Variants in PDZD7 observed in about 807,000 individuals in gnomAD.
PDZD7 encodes PDZ domain containing 7, also known as PDZ domain-containing protein 7.
A neutral mutation model predicts 84.7 loss-of-function variants in PDZD7; 72 were observed. The ratio of observed to expected loss-of-function variants is 0.85; its 90% CI spans 0.70 to 1.03. The LOEUF (loss-of-function observed/expected upper bound fraction) is 1.03, where lower values mean the gene tolerates loss of function less well. PDZD7 is among the 50% of genes least tolerant of loss of function. PDZD7 has a pLI of 0.00. For missense variants in PDZD7, 1,490 were observed against 1,412.9 expected (o/e 1.05, Z -0.87); for synonymous variants, 594 against 580.7 (o/e 1.02, Z -0.33).
At chr10:101,026,978 T>C (rs74154270) in intron 2 of PDZD7, among the ~76,000 whole-genome samples, 190 of 152,186 alleles carry the variant, frequency 1.2e-3, no homozygotes, top group African/African-American at 4.5e-3. Flanking sequence ...ATCTGAGATT[T>C]TCCAGGAGCC....
In PDZD7 at chr10:101,019,038, T is replaced by A; in HGVS notation, c.1108A>T (p.Met370Leu). The A allele has an allele frequency of 1.3e-6, 2 of 1,574,006 alleles. No individual in the cohort carries two copies. The highest frequency in any genetic ancestry group is 1.2e-5 in the South Asian group (1 of 86,742). ...CCTCCCGCATCGGGCTCCGTCTGCA[T>A]GGCTGTGTCCGCCCGCCCCCAGCCT... ...GPGWGRADTA[M>L]QTEPDAGGRV... Residue 370 changes from methionine (M) to leucine (L), a missense_variant, in exon 8 of 17, where the codon ATG becomes TTG. By Grantham distance (15) the Met-to-Leu change is conservative. Transcript: ENST00000619208.
chr10:101,023,150 C>A, intron 4 of PDZD7: 1 of 389,590 alleles, frequency 2.6e-6, no homozygotes, highest in Admixed American at 3.8e-5. Context: ...CTAATCCTTA[C>A]AGCACCCCTG....
rs1491226611 is a variant in PDZD7 at position 101,017,861 on chromosome 10, AAG to A, written c.1522+236_1522+237del. On this transcript the variant is annotated intron_variant, in intron 9 of 16. Transcript: ENST00000619208. ...AAGGAAAGAAAGAAAGAAAGAAAGAAAGAAAGAAAGAAAGAAAGAAAGAAAGA... is the reference window on the plus strand; with the variant it reads ...AAGGAAAGAAAGAAAGAAAGAAAGAAAAAGAAAGAAAGAAAGAAAGAAAGA... 6.0e-5 allele frequency: 26 copies of A among 434,770 alleles called. 1 individual carries two copies. Among genetic ancestry groups the A allele is most frequent in the Non-Finnish European group, 8.9e-5 (23 of 257,314 alleles). The allele number at this position is 434,770 out of a possible 1,614,324, so 26.9% of individuals were successfully genotyped here. A position where few individuals can be genotyped will look rare whatever the true frequency, so the allele number is the denominator to read the frequency against.
intron 11 of PDZD7, among the ~76,000 whole-genome samples, chr10:101,012,885 G>A (rs865889127): frequency 6.6e-6 from 1 of 152,358 alleles, no homozygotes; most frequent in East Asian, 1.9e-4. Context: ...TCCCTTGGAG[G>A]GGGGCGGGGT....
At chr10:101,012,638 T>C (rs1362843726) in intron 11 of PDZD7, among the ~76,000 whole-genome samples, 2 of 152,010 alleles carry the variant, frequency 1.3e-5, no homozygotes, top group East Asian at 3.9e-4. Flanking sequence ...GATAAGGAAG[T>C]GTGAAGAGGG....
At chr10:101,029,963 A>AC in intron 2 of PDZD7, 31 bp downstream of exon 2, 11 of 1,546,484 alleles carry the variant, frequency 7.1e-6, no homozygotes, top group Non-Finnish European at 9.8e-6. Flanking sequence ...ACCCTCCCCA[A>AC]CCCAGGCCAG....
chr10:101,012,163 C>T lies in PDZD7; in HGVS notation c.1841+4G>A. On this transcript the variant is annotated splice_donor_region_variant and intron_variant, in intron 12 of 16. Coordinates refer to ENST00000619208, the MANE Select transcript of PDZD7 (RefSeq NM_001195263.2). The stretch of plus-strand genomic sequence containing the variant: ...CCCAAGCCCTCTCTGCAACCTCCTC[C>T]CACCTGATGTCCTGCAGCAGTAGCA... The T allele has an allele frequency of 6.4e-7, 1 of 1,550,446 alleles. No individual in the cohort carries two copies. Among genetic ancestry groups the T allele is most frequent in the South Asian group, 1.2e-5 (1 of 84,066 alleles).
intron 9 of PDZD7, chr10:101,017,671 A>C: frequency 1.4e-6 from 1 of 695,538 alleles, no homozygotes; most frequent in East Asian, 2.7e-5. Context: ...GTGTCATGCC[A>C]GCACTTTGGG....
chr10:101,010,083 C>T (rs911024120), intron 15 of PDZD7, among the ~76,000 whole-genome samples, 189 bp downstream of exon 15: 1 of 152,110 alleles, frequency 6.6e-6, no homozygotes, highest in Non-Finnish European at 1.5e-5. Flanking sequence ...TTAGTGGAAA[C>T]GGGGTTTCGC....
At chr10:101,017,769 A>T (rs188990244) in intron 9 of PDZD7, 1 of 526,708 alleles carries the variant, frequency 1.9e-6, no homozygotes, top group Non-Finnish European at 3.3e-6. Context: ...CTGGGCAACA[A>T]GAGCAAAACT....
At chr10:101,020,835 C>T (rs1442212289) in intron 6 of PDZD7, among the ~76,000 whole-genome samples, 157 bp from the exon 7 acceptor site, 4 of 152,326 alleles carry the variant, frequency 2.6e-5, no homozygotes, top group African/African-American at 9.6e-5. Flanking sequence ...TCTTTCTGAA[C>T]GTGCCAAGTT....
chr10:101,030,338 G>T lies in PDZD7; in HGVS notation c.-119C>A, dbSNP rs1200630533. ...TGTGCGGGGCTGGGGTCTCAGTAAC[G>T]TGAAGGCCCTCGCTTGCGATGCCTC... On this transcript the variant is annotated 5_prime_UTR_variant, in exon 2 of 17. Transcript: ENST00000619208. 5.8e-6 allele frequency: 5 copies of T among 863,044 alleles called. No homozygotes were observed. Among genetic ancestry groups the T allele is most frequent in the Non-Finnish European group, 9.4e-6 (5 of 532,294 alleles). 53.5% of individuals were successfully genotyped at this position (863,044 alleles called of 1,614,324 possible). A position where few individuals can be genotyped will look rare whatever the true frequency, so the allele number is the denominator to read the frequency against.
rs932953368 is a variant in PDZD7, at chr10:101,019,183, G to C, written c.963C>G (p.Ala321=). 6.5e-7 allele frequency: 1 copy of C among 1,536,636 alleles called. No individual in the cohort carries two copies. The highest frequency in any genetic ancestry group is 1.7e-4 in the Middle Eastern group (1 of 5,780). The change falls in exon 8 of 17, where the codon GCC becomes GCG. Residue 321 remains alanine (A), a synonymous_variant. Coordinates refer to ENST00000619208, the MANE Select transcript of PDZD7 (RefSeq NM_001195263.2). ...AAGAGACGCTGGAGCTGCTCTCAGA[G>C]GCCGGGGACAGCTGCTGCAGCACCC... ...SNGVLQQLSP[A]SESSSSVSSC...
At position 101,022,349 on chromosome 10, in the gene PDZD7, C is replaced by A; in HGVS notation, c.579G>T (p.Lys193Asn). Reference sequence around the variant, plus strand: ...TGGTGTCGGAGGGTGTTGAACCGCACTTCTCCACTACCAGGCGCCGATTCA... The same window carrying A: ...TGGTGTCGGAGGGTGTTGAACCGCAATTCTCCACTACCAGGCGCCGATTCA... ...DVVNRRLVVE[K>N]CGSTPSDTSS... Residue 193 changes from lysine (K) to asparagine (N), a missense_variant, in exon 5 of 17, where the codon AAG becomes AAT. Transcript: ENST00000619208. The A allele has an allele frequency of 6.2e-7, 1 of 1,614,192 alleles. No individual in the cohort carries two copies.
At chr10:101,026,711 A>ACT (rs1406487943) in intron 2 of PDZD7, among the ~76,000 whole-genome samples, 2 of 142,564 alleles carry the variant, frequency 1.4e-5, no homozygotes, top group Non-Finnish European at 3.0e-5. Flanking sequence ...ACACACACAC[A>ACT]CTTCAATTTG....
At chr10:101,017,094 G>A (rs1486705222) in intron 9 of PDZD7, among the ~76,000 whole-genome samples, 2 of 152,114 alleles carry the variant, frequency 1.3e-5, no homozygotes, top group African/African-American at 2.4e-5. Flanking sequence ...GACCCAGGCT[G>A]GCCAACAAAA....
chr10:101,011,505 A>C, intron 14 of PDZD7, 185 bp downstream of exon 14: 1 of 1,419,290 alleles, frequency 7.0e-7, no homozygotes, highest in South Asian at 1.6e-5. Flanking sequence ...ATTAAGTAAT[A>C]GTACAGGTGG....
intron 10 of PDZD7, 115 bp downstream of exon 10, chr10:101,016,262 C>G: frequency 7.5e-6 from 8 of 1,063,618 alleles, no homozygotes; most frequent in Non-Finnish European, 1.1e-5. Flanking sequence ...TGCCTGATCC[C>G]CCATGCTTGA....
chr10:101,024,593 G>A (rs889098269), intron 2 of PDZD7, among the ~76,000 whole-genome samples: 1 of 151,960 alleles, frequency 6.6e-6, no homozygotes, highest in African/African-American at 2.4e-5. Context: ...AAGAAGGTGA[G>A]ATCAGCGGGA....
Sources: allele counts gnomAD v4.1 joint callset (sites outside exome capture counted in the v4.1 genomes callset), GRCh38; gene constraint gnomAD v4.1.1; transcripts MANE v1.5; gene names NCBI Gene and HGNC (gene_info 2026-07-23, HGNC 2026-07-21).